The following BLTP2 variants were observed in gnomAD, a reference collection of about 807,000 sequenced individuals.
BLTP2 encodes the protein bridge-like lipid transfer protein family member 2, also known as U937-associated antigen.
At chr17:28,642,848 C>A in the BLTP2 span, 2 of 1,354,098 alleles carry the variant, frequency 1.5e-6, no homozygotes, top group South Asian at 2.3e-5. Context: ...ACGGCTAGAT[C>A]CTCTGCTCCC....
chr17:28,635,939 C>A, the BLTP2 span: 2 of 203,084 alleles, frequency 9.8e-6, no homozygotes, highest in Non-Finnish European at 2.0e-5. Flanking sequence ...CTCAATAAAT[C>A]ATCTGGCTTC....
the BLTP2 span, chr17:28,640,070 T>A: frequency 6.2e-7 from 1 of 1,600,504 alleles, no homozygotes; most frequent in Non-Finnish European, 8.5e-7. Flanking sequence ...GGAATGCCAT[T>A]CCTACTTCTT....
chr17:28,644,269 G>T, the BLTP2 span: 1 of 1,474,272 alleles, frequency 6.8e-7, no homozygotes, highest in Non-Finnish European at 9.3e-7. Context: ...TCAAAGCCTT[G>T]CAAAAGGTCG....
the BLTP2 span, chr17:28,623,819 A>G: frequency 6.2e-7 from 1 of 1,614,206 alleles, no homozygotes; most frequent in Non-Finnish European, 8.5e-7. Context: ...GTGGCAAAGT[A>G]CTGCATGCCA....
At chr17:28,631,678 C>A in the BLTP2 span, 8 of 1,613,954 alleles carry the variant, frequency 5.0e-6, no homozygotes, top group South Asian at 2.2e-5. Flanking sequence ...CATCACTGTG[C>A]CTGCTGAGAA....
chr17:28,627,157 A>C, the BLTP2 span, among the ~76,000 whole-genome samples: 4 of 152,252 alleles, frequency 2.6e-5, no homozygotes, highest in South Asian at 2.1e-4. Context: ...CTTCTGTGTC[A>C]ATTGTTTTCG....
the BLTP2 span, chr17:28,644,219 C>T: frequency 3.7e-6 from 6 of 1,605,056 alleles, no homozygotes; most frequent in East Asian, 2.2e-5. Context: ...TTCATAGGAC[C>T]TTTTTCCAAT....
the BLTP2 span, chr17:28,623,819 A>T: frequency 6.2e-7 from 1 of 1,614,206 alleles, no homozygotes; most frequent in Admixed American, 1.7e-5. Flanking sequence ...GTGGCAAAGT[A>T]CTGCATGCCA....
chr17:28,636,993 G>C, the BLTP2 span: 1 of 1,614,170 alleles, frequency 6.2e-7, no homozygotes, highest in Non-Finnish European at 8.5e-7. Flanking sequence ...GCTGTGATAG[G>C]TGATGGAGAG....
the BLTP2 span, among the ~76,000 whole-genome samples, chr17:28,626,236 G>A: frequency 1.3e-5 from 2 of 152,148 alleles, no homozygotes; most frequent in East Asian, 1.9e-4. Context: ...ACTGCCTACT[G>A]TACAAGGACC....
the BLTP2 span, chr17:28,643,724 G>T: frequency 1.4e-6 from 2 of 1,446,514 alleles, no homozygotes; most frequent in Non-Finnish European, 1.9e-6. Context: ...AGCTTGACAA[G>T]CCAGGAAATG....
the BLTP2 span, chr17:28,616,817 T>C: frequency 1.9e-6 from 3 of 1,608,912 alleles, no homozygotes; most frequent in Non-Finnish European, 2.6e-6. The surrounding 1 kb of genome is among the most constrained non-coding windows in gnomAD (Gnocchi z 4.8). Flanking sequence ...TACCTACTCC[T>C]AATATCGTGT....
At chr17:28,641,263 C>G in the BLTP2 span, among the ~76,000 whole-genome samples, 5 of 152,130 alleles carry the variant, frequency 3.3e-5, no homozygotes, top group Admixed American at 6.5e-5. Context: ...ATATGGAGAG[C>G]CAACTGTATT....
the BLTP2 span, chr17:28,635,478 G>A: frequency 1.9e-6 from 3 of 1,614,172 alleles, no homozygotes; most frequent in African/African-American, 1.3e-5. Context: ...CTAGTGCAAG[G>A]GATGGTACAG....
At chr17:28,615,790 C>G in the BLTP2 span, 1 of 1,614,018 alleles carries the variant, frequency 6.2e-7, no homozygotes, top group Non-Finnish European at 8.5e-7. Context: ...CCACACTGTT[C>G]TTCTCACCCT....
At chr17:28,634,506 AC>A in the BLTP2 span, 1 of 1,604,692 alleles carries the variant, frequency 6.2e-7, no homozygotes, top group Non-Finnish European at 8.5e-7. Flanking sequence ...AATAAAGGAA[AC>A]ACTACTTACC....
chr17:28,621,117 A>C, the BLTP2 span: 8 of 1,614,070 alleles, frequency 5.0e-6, no homozygotes. Flanking sequence ...TTGCAACGCG[A>C]AATGATCCGC....
chr17:28,635,193 C>T, the BLTP2 span: 2 of 1,614,042 alleles, frequency 1.2e-6, no homozygotes, highest in Middle Eastern at 3.3e-4. Context: ...GGAGGATCAT[C>T]TCTTCCAGCT....
chr17:28,638,135 C>A, the BLTP2 span: 1 of 1,605,406 alleles, frequency 6.2e-7, no homozygotes, highest in Non-Finnish European at 8.5e-7. Flanking sequence ...AGTATGCAGG[C>A]GCACAGTTTT....
Sources: gnomAD v4.1 joint callset for allele counts (sites outside exome capture counted in the v4.1 genomes callset) on GRCh38, gnomAD v4.1.1 for gene constraint, Gnocchi (gnomAD v3.1) non-coding constraint, MANE v1.5 for transcripts, NCBI Gene and HGNC (gene_info 2026-07-23, HGNC 2026-07-21) for gene names.